Variants in MELTF observed in about 807,000 individuals in gnomAD.
The protein encoded by MELTF is antigen p97 (melanoma associated) identified by monoclonal antibodies 133.2 and 96.5.
A neutral mutation model predicts 83.7 loss-of-function variants in MELTF; 67 were observed. That is an observed-to-expected ratio of 0.80 (90% CI 0.66 to 0.98). The LOEUF is 0.98. MELTF is among the 50% of genes least tolerant of loss of function. MELTF has a pLI of 0.00. For missense variants in MELTF, 1,002 were observed against 1,035.6 expected, an observed-to-expected ratio of 0.97 and a Z score of 0.44; for synonymous variants, 462 against 447.6, an observed-to-expected ratio of 1.03 and a Z score of -0.41.
In MELTF at chr3:197,007,185, TG is replaced by T. The variant is rs990914887; in HGVS notation, c.1751-450del. Reference sequence around the variant, plus strand: ...GTCCCTAAGGGCTGAAGTTCTCAAATGGAACAGGGTATAGCATCACTTGTGG... The same window carrying T: ...GTCCCTAAGGGCTGAAGTTCTCAAATGAACAGGGTATAGCATCACTTGTGG... On this transcript the variant is annotated intron_variant, in intron 13 of 15. Transcript: ENST00000296350. The surrounding 1 kb of genome is among the most constrained non-coding windows in gnomAD (Gnocchi z 4.3). Among the ~76,000 whole-genome samples, 3 of 152,084 alleles carry T rather than the reference TG, an allele frequency of 2.0e-5. No individual in the cohort carries two copies. The highest frequency in any genetic ancestry group is 7.2e-5 in the African/African-American group (3 of 41,384).
chr3:197,027,931 G>A (rs1434798764), intron 1 of MELTF, 21 bp from the exon 2 acceptor site: 1 of 1,549,104 alleles, frequency 6.5e-7, no homozygotes. Flanking sequence ...GGGACCGTGA[G>A]GCCCGGCTCC....
intron 6 of MELTF, 114 bp downstream of exon 6, chr3:197,021,290 A>G: frequency 2.2e-6 from 2 of 920,610 alleles, no homozygotes; most frequent in Non-Finnish European, 3.4e-6. Context: ...CCAGAGACTC[A>G]GAGCAGCACT....
intron 9 of MELTF, among the ~76,000 whole-genome samples, chr3:197,014,314 AC>A (rs1162127996): frequency 6.6e-6 from 1 of 151,552 alleles, no homozygotes; most frequent in Non-Finnish European, 1.5e-5. Context: ...AGTTGATCTC[AC>A]AGAAGTAAAA....
Position 197,006,146 on chromosome 3 carries a change from G to A in MELTF, c.1938+403C>T, listed in dbSNP as rs187819760. Among the ~76,000 whole-genome samples the A allele has an allele frequency of 4.7e-4, 72 of 152,142 alleles. No individual in the cohort carries two copies. In the East Asian group the frequency reaches 0.012, roughly 26 times the overall value. On this transcript the variant is annotated intron_variant, in intron 14 of 15. Coordinates refer to ENST00000296350, the MANE Select transcript of MELTF (RefSeq NM_005929.6). The surrounding 1 kb of genome is among the most constrained non-coding windows in gnomAD (Gnocchi z 5.4). ...TGAGGTGGGAGAATGGCGTGAACCCGGGAGGCGGAGCTTGCAGTGAGCCGA... is the reference window on the plus strand; with the variant it reads ...TGAGGTGGGAGAATGGCGTGAACCCAGGAGGCGGAGCTTGCAGTGAGCCGA...
intron 6 of MELTF, 34 bp from the exon 7 acceptor site, chr3:197,017,324 C>A (rs532083867): frequency 1.4e-5 from 21 of 1,489,596 alleles, no homozygotes; most frequent in Non-Finnish European, 1.7e-5. Flanking sequence ...GAGCCAGCTC[C>A]GAAAGGGGTT....
At position 197,024,935 on chromosome 3, in the gene MELTF, G is replaced by A. The variant is rs1247604243; in HGVS notation, c.305-450C>T. On this transcript the variant is annotated intron_variant, in intron 3 of 15. Coordinates refer to ENST00000296350, the MANE Select transcript of MELTF (RefSeq NM_005929.6). This position sits in a 1 kb window ranked among gnomAD's most constrained non-coding sequence, Gnocchi z 5.3. ...CTGGGAGGAGCAGGGGAGCCGAGGAGGGGCTTCCCCAGATGAGGAGCGGCG... is the reference window on the plus strand; with the variant it reads ...CTGGGAGGAGCAGGGGAGCCGAGGAAGGGCTTCCCCAGATGAGGAGCGGCG... Among the ~76,000 whole-genome samples the A allele has an allele frequency of 6.6e-6, 1 of 152,218 alleles. No individual in the cohort carries two copies. Among genetic ancestry groups the A allele is most frequent in the Non-Finnish European group, 1.5e-5 (1 of 68,046 alleles).
Position 197,022,811 on chromosome 3 carries a change from A to G in MELTF, c.644+146T>C. ...TGTTTTTAAACTAACCAGGGCACAG[A>G]ACTATATAAAGGGTGCTTTGATGAG... On this transcript the variant is annotated intron_variant, in intron 5 of 15. Transcript: ENST00000296350. This position sits in a 1 kb window ranked among gnomAD's most constrained non-coding sequence, Gnocchi z 5.1. The G allele has an allele frequency of 2.7e-6, 2 of 749,464 alleles. No homozygotes were observed. Among genetic ancestry groups the G allele is most frequent in the East Asian group, 2.6e-5 (1 of 38,756 alleles). 46.4% of individuals were successfully genotyped at this position (749,464 alleles called of 1,614,324 possible).
rs575680550 is a variant in MELTF, at chr3:197,007,313, T to C, written c.1751-577A>G. Among the ~76,000 whole-genome samples, 1 of 152,290 alleles carries C rather than the reference T, an allele frequency of 6.6e-6. No individual in the cohort carries two copies. Among genetic ancestry groups the C allele is most frequent in the African/African-American group, 2.4e-5 (1 of 41,554 alleles). On this transcript the variant is annotated intron_variant, in intron 13 of 15. Transcript: ENST00000296350. This position sits in a 1 kb window ranked among gnomAD's most constrained non-coding sequence, Gnocchi z 4.3. ...GCATGTTAAACCAGCATCCCACTGATTCTAAAGCAGGCGGTCTCGGGCTGC... is the reference window on the plus strand; with the variant it reads ...GCATGTTAAACCAGCATCCCACTGACTCTAAAGCAGGCGGTCTCGGGCTGC...
chr3:197,014,346 A>C (rs922416318), intron 9 of MELTF, among the ~76,000 whole-genome samples: 4 of 150,902 alleles, frequency 2.7e-5, no homozygotes, highest in African/African-American at 9.8e-5. Context: ...AGGATGCTGC[A>C]GACTGGGAAG....
rs377479322 is a variant in MELTF, at chr3:197,010,665, C to T, written c.1330+33G>A. The T allele has an allele frequency of 7.9e-4, 1,244 of 1,572,446 alleles. 2 individuals carry two copies. Among genetic ancestry groups the T allele is most frequent in the Non-Finnish European group, 9.9e-4 (1,133 of 1,145,584 alleles). On this transcript the variant is annotated intron_variant, in intron 10 of 15. Coordinates refer to ENST00000296350, the MANE Select transcript of MELTF (RefSeq NM_005929.6). ...TATTTATAAAAATATCCCCACCTCC[C>T]GGCTGAGGCCAGGCGGCAGGCCCTG... is the stretch of plus-strand genomic sequence containing the variant.
In MELTF at chr3:197,024,302, C is replaced by A; in HGVS notation, c.487+1G>T. ...CCTCCTGCCCAGCCCAAAGCCCTCA[C>A]CTTTGAGTACATCGCAGCCCATCAC... On this transcript the variant is annotated splice_donor_variant, in intron 4 of 15. Transcript: ENST00000296350. LOFTEE classifies it high-confidence loss of function. The surrounding 1 kb of genome is among the most constrained non-coding windows in gnomAD (Gnocchi z 5.3). The A allele has an allele frequency of 6.4e-7, 1 of 1,564,616 alleles. No homozygotes were observed.
At chr3:197,010,554 G>A in intron 10 of MELTF, 144 bp downstream of exon 10, 1 of 665,674 alleles carries the variant, frequency 1.5e-6, no homozygotes, top group Non-Finnish European at 2.6e-6. Context: ...CCTGGGGCAG[G>A]AGGGGCAGGC....
intron 9 of MELTF, among the ~76,000 whole-genome samples, chr3:197,013,442 C>G (rs1719254619): frequency 1.3e-5 from 2 of 152,158 alleles, no homozygotes; most frequent in Non-Finnish European, 2.9e-5. Context: ...AGGCAAAACG[C>G]TTCAGGACAT....
chr3:197,013,591 A>G (rs527484505), intron 9 of MELTF, among the ~76,000 whole-genome samples: 2 of 152,362 alleles, frequency 1.3e-5, no homozygotes, highest in South Asian at 2.1e-4. Context: ...AAGACAGCCT[A>G]TGGAATGAGA....
chr3:197,014,417 C>T (rs1051945449), intron 9 of MELTF, among the ~76,000 whole-genome samples: 4 of 118,838 alleles, frequency 3.4e-5, no homozygotes, highest in Admixed American at 3.0e-4. Context: ...GAGACAGTCT[C>T]TCTCTTGTCG....
chr3:197,006,886 C>G lies in MELTF; in HGVS notation c.1751-150G>C, dbSNP rs1719001416. 1 of 683,218 alleles carries G rather than the reference C, an allele frequency of 1.5e-6. No individual in the cohort carries two copies. Among genetic ancestry groups the G allele is most frequent in the Non-Finnish European group, 2.2e-6 (1 of 449,910 alleles). 42.3% of individuals were successfully genotyped at this position (683,218 alleles called of 1,614,324 possible). A position where few individuals can be genotyped will look rare whatever the true frequency, so the allele number is the denominator to read the frequency against. ...CAACCCTCTCCATTCTCCACGTGCT[C>G]TGCTGTGTTACCGGGGTGAAAGAAC... On this transcript the variant is annotated intron_variant, in intron 13 of 15. Coordinates refer to ENST00000296350, the MANE Select transcript of MELTF (RefSeq NM_005929.6). This position sits in a 1 kb window ranked among gnomAD's most constrained non-coding sequence, Gnocchi z 5.4.
rs1719669397 is a variant in MELTF, at chr3:197,022,684, A to G, written c.644+273T>C. ...GAATGGGGACATGGGAGTGGCCAAAAGGCTGTTTTTTCCATTTTCTTCTCT... is the reference window on the plus strand; with the variant it reads ...GAATGGGGACATGGGAGTGGCCAAAGGGCTGTTTTTTCCATTTTCTTCTCT... On this transcript the variant is annotated intron_variant, in intron 5 of 15. Transcript: ENST00000296350. This position sits in a 1 kb window ranked among gnomAD's most constrained non-coding sequence, Gnocchi z 5.1. Among the ~76,000 whole-genome samples the G allele has an allele frequency of 6.6e-6, 1 of 152,134 alleles. No individual in the cohort carries two copies. The highest frequency in any genetic ancestry group is 1.5e-5 in the Non-Finnish European group (1 of 68,032).
Position 197,016,307 on chromosome 3 carries a change from C to G in MELTF, c.963G>C (p.Lys321Asn). The change falls in exon 8 of 16, where the codon AAG (lysine) becomes AAC (asparagine). Residue 321 changes from lysine (K) to asparagine (N), a missense_variant. Lys to Asn is a moderately conservative substitution (Grantham distance 94). Coordinates refer to ENST00000296350, the MANE Select transcript of MELTF (RefSeq NM_005929.6). Reference protein sequence around the residue: ...QMFSSEAYGQKDLLFKDSTSE... With the variant: ...QMFSSEAYGQNDLLFKDSTSE... ...AGGTAGAGTCTTTGAAGAGTAGATCCTTCTGGCCATAGGCCTCAGAGCTGA... is the reference window on the plus strand; with the variant it reads ...AGGTAGAGTCTTTGAAGAGTAGATCGTTCTGGCCATAGGCCTCAGAGCTGA... The G allele has an allele frequency of 6.2e-7, 1 of 1,612,738 alleles. No individual in the cohort carries two copies. The highest frequency in any genetic ancestry group is 8.5e-7 in the Non-Finnish European group (1 of 1,179,246).
rs1719016279 is a variant in MELTF at position 197,007,365 on chromosome 3, A to C, written c.1751-629T>G. Among the ~76,000 whole-genome samples the C allele has an allele frequency of 6.6e-6, 1 of 152,204 alleles. No individual in the cohort carries two copies. Among genetic ancestry groups the C allele is most frequent in the Non-Finnish European group, 1.5e-5 (1 of 68,040 alleles). ...TGAGAAAATGCTGCCCTCAGGAATC[A>C]CATTTTCATGTCTCTGTGCATTCAC... On this transcript the variant is annotated intron_variant, in intron 13 of 15. Coordinates refer to ENST00000296350, the MANE Select transcript of MELTF (RefSeq NM_005929.6). The surrounding 1 kb of genome is among the most constrained non-coding windows in gnomAD (Gnocchi z 4.3).
Sources: allele counts gnomAD v4.1 joint callset (sites outside exome capture counted in the v4.1 genomes callset), GRCh38; gene constraint gnomAD v4.1.1; non-coding constraint Gnocchi (gnomAD v3.1); transcripts MANE v1.5; gene names NCBI Gene and HGNC (gene_info 2026-07-23, HGNC 2026-07-21).